TMEM209: variants seen among roughly 807,000 people sequenced by gnomAD.
TMEM209 encodes transmembrane protein 209.
In TMEM209, 65 loss-of-function variants were observed where a neutral mutation model predicts 76.2. The ratio of observed to expected loss-of-function variants is 0.85; its 90% CI spans 0.70 to 1.05. TMEM209 has a LOEUF of 1.05. Among genes scored for constraint, TMEM209 ranks in the 50% least tolerant of loss-of-function variants. The probability of loss-of-function intolerance (pLI) is 0.00; values close to 1 mark genes in which losing one functional copy is unlikely to be tolerated. For synonymous variants in TMEM209, 239 were observed against 237.6 expected, an observed-to-expected ratio of 1.01 and a Z score of -0.06; for missense variants, 623 against 685.5, an observed-to-expected ratio of 0.91 and a Z score of 1.02.
Position 130,173,862 on chromosome 7 carries a change from A to G in TMEM209, c.1422T>C (p.Phe474=). The part of the protein sequence containing the change: ...PHPKYPDGKT[F]TSQHFVQTPN... ...GTGTCTGAACAAAGTGCTGAGAAGT[A>G]AAAGTTTTTCCGTCGGGATACTTCG... Residue 474 remains phenylalanine, a synonymous_variant, in exon 12 of 15, where the codon TTT becomes TTC. Transcript: ENST00000397622. 3 of 1,613,926 alleles carry G rather than the reference A, an allele frequency of 1.9e-6. No individual in the cohort carries two copies. The highest frequency in any genetic ancestry group is 1.7e-6 in the Non-Finnish European group (2 of 1,179,818).
At chr7:130,179,973 A>G (rs1054195012) in intron 9 of TMEM209, among the ~76,000 whole-genome samples, 3 of 152,188 alleles carry the variant, frequency 2.0e-5, no homozygotes, top group Admixed American at 6.5e-5. Context: ...CTAGAAAACA[A>G]TAACAAAAAT....
chr7:130,203,748 TA>T lies in TMEM209; in HGVS notation c.199+39del, dbSNP rs1389225922. ...TGAATTAAACCTGAAGGCAGTTTTT[TA>T]TTGGTAAATGTAAGTTACAGTGAAA... On this transcript the variant is annotated intron_variant, in intron 3 of 14. Transcript: ENST00000397622. The T allele has an allele frequency of 1.4e-5, 22 of 1,532,860 alleles. No individual in the cohort carries two copies. In the East Asian group the frequency reaches 5.0e-4, roughly 35 times the overall value. The allele number at this position is 1,532,860 out of a possible 1,614,324, so 95.0% of individuals were successfully genotyped here. A position where few individuals can be genotyped will look rare whatever the true frequency, so the allele number is the denominator to read the frequency against.
intron 10 of TMEM209, 83 bp from the exon 11 acceptor site, chr7:130,175,692 G>T (rs1469803149): frequency 1.9e-6 from 2 of 1,042,166 alleles, no homozygotes; most frequent in Non-Finnish European, 2.7e-6. Context: ...TATAATAAGG[G>T]AAGCAAATCA....
At chr7:130,172,422 A>G (rs1797100240) in intron 13 of TMEM209, among the ~76,000 whole-genome samples, 1 of 151,902 alleles carries the variant, frequency 6.6e-6, no homozygotes, top group Non-Finnish European at 1.5e-5. Flanking sequence ...GGCTCACTGC[A>G]AGCTCCGCCT....
intron 5 of TMEM209, among the ~76,000 whole-genome samples, chr7:130,193,147 C>T (rs1464384417): frequency 6.6e-6 from 1 of 152,178 alleles, no homozygotes; most frequent in Non-Finnish European, 1.5e-5. Flanking sequence ...TTTATGGCAG[C>T]TTTATTCCTA....
intron 6 of TMEM209, among the ~76,000 whole-genome samples, chr7:130,189,197 T>C (rs1275412730): frequency 6.6e-6 from 1 of 152,094 alleles, no homozygotes; most frequent in African/African-American, 2.4e-5. Context: ...TCATTATTCA[T>C]TTATTTATTT....
At chr7:130,167,691 A>AT (rs969416576) in intron 14 of TMEM209, among the ~76,000 whole-genome samples, 3 of 151,876 alleles carry the variant, frequency 2.0e-5, no homozygotes, top group African/African-American at 4.8e-5. Flanking sequence ...GTCTGTCTAG[A>AT]TTTTTTTTCC....
Position 130,203,830 on chromosome 7 carries a change from T to G in TMEM209, c.157A>C (p.Ser53Arg). The G allele has an allele frequency of 6.2e-7, 1 of 1,601,744 alleles. No individual in the cohort carries two copies. The highest frequency in any genetic ancestry group is 8.5e-7 in the Non-Finnish European group (1 of 1,174,488). ...IYTEMTGKLI[S>R]SYYNVTYWPL... The stretch of plus-strand genomic sequence containing the variant: ...CAGTATGTCACATTGTAGTATGAAC[T>G]AATCAATTTTCCAGTCCTGAAAAAA... The change falls in exon 3 of 15, where the codon AGT becomes CGT. Residue 53 changes from serine (S) to arginine (R), a missense_variant. Transcript: ENST00000397622.
At chr7:130,182,231 T>C (rs1395869435) in intron 8 of TMEM209, among the ~76,000 whole-genome samples, 4 of 152,138 alleles carry the variant, frequency 2.6e-5, no homozygotes, top group African/African-American at 9.7e-5. Context: ...CGTGAGCCAC[T>C]GCGCCTGGCA....
chr7:130,183,581 A>G (rs1305692601), intron 8 of TMEM209, among the ~76,000 whole-genome samples: 1 of 152,242 alleles, frequency 6.6e-6, no homozygotes, highest in East Asian at 1.9e-4. Flanking sequence ...TAGCCCCTTC[A>G]GAGCTAAGTG....
chr7:130,180,123 A>G (rs1167310619), intron 9 of TMEM209, among the ~76,000 whole-genome samples: 1 of 152,216 alleles, frequency 6.6e-6, no homozygotes, highest in East Asian at 1.9e-4. Context: ...CTTAATAACT[A>G]AGTTATAGTA....
rs1470126023 is a variant in TMEM209, at chr7:130,173,931, C to T, written c.1353G>A (p.Met451Ile). Residue 451 changes from methionine (M) to isoleucine (I), a missense_variant, in exon 12 of 15, where the codon ATG becomes ATA. Coordinates refer to ENST00000397622, the MANE Select transcript of TMEM209 (RefSeq NM_032842.4). Reference protein sequence around the residue: ...TDLPTDSAIIMHVFCTYLDSR... With the variant: ...TDLPTDSAIIIHVFCTYLDSR... ...AATCAAGGTAGGTGCAAAATACATG[C>T]ATGATGATCTGAGGATGAAGAAATA... 1 of 1,603,730 alleles carries T rather than the reference C, an allele frequency of 6.2e-7. No individual in the cohort carries two copies. Among genetic ancestry groups the T allele is most frequent in the East Asian group, 2.2e-5 (1 of 44,742 alleles).
In TMEM209 at chr7:130,181,625, C is replaced by G. The variant is rs759070814; in HGVS notation, c.1118G>C (p.Gly373Ala). Residue 373 changes from glycine (G) to alanine (A), a missense_variant and splice_region_variant, in exon 9 of 15, where the codon GGA becomes GCA. Transcript: ENST00000397622. ...RRMGCPELQI[G>A]EASITSLKQA... ...CACTGGGCTCTGTTTTCACATACCT[C>G]CTATCTGTAGCTCTGGACAACCCAT... The G allele has an allele frequency of 1.9e-6, 3 of 1,610,730 alleles. No individual in the cohort carries two copies. The South Asian group carries it at 3.3e-5, about 18-fold the overall frequency.
Position 130,173,643 on chromosome 7 carries a change from T to C in TMEM209, c.1546A>G (p.Asn516Asp). 6.2e-7 allele frequency: 1 copy of C among 1,612,088 alleles called. No homozygotes were observed. The highest frequency in any genetic ancestry group is 1.3e-5 in the African/African-American group (1 of 75,016). ...YELIYQRHVY[N>D]LPKGRNNMFH... The stretch of plus-strand genomic sequence containing the variant: ...CTATATAGAAATACCTTTGGCAGGT[T>C]GTATACATGACGCTGGTAGATGAGC... Residue 516 changes from asparagine (N) to aspartate (D), a missense_variant, in exon 13 of 15, where the codon AAC becomes GAC. Coordinates refer to ENST00000397622, the MANE Select transcript of TMEM209 (RefSeq NM_032842.4).
intron 6 of TMEM209, among the ~76,000 whole-genome samples, chr7:130,189,282 C>T (rs1447642505): frequency 6.6e-6 from 1 of 151,340 alleles, no homozygotes; most frequent in Non-Finnish European, 1.5e-5. Context: ...CTGCAACCTC[C>T]GCCTCCCGGA....
At chr7:130,202,779 A>T (rs1162264901) in intron 3 of TMEM209, 116 bp from the exon 4 acceptor site, 1 of 1,188,012 alleles carries the variant, frequency 8.4e-7, no homozygotes, top group African/African-American at 1.6e-5. Flanking sequence ...CATAAAAACT[A>T]TAATTTAATG....
chr7:130,203,950 C>T, intron 2 of TMEM209, 24 bp downstream of exon 2: 1 of 1,607,580 alleles, frequency 6.2e-7, no homozygotes, highest in Non-Finnish European at 8.5e-7. Flanking sequence ...TAAAGTTTCA[C>T]TTTTTTTGGA....
chr7:130,195,319 C>T (rs1343491417), intron 5 of TMEM209, among the ~76,000 whole-genome samples: 1 of 152,004 alleles, frequency 6.6e-6, no homozygotes, highest in African/African-American at 2.4e-5. Flanking sequence ...AATATTTTGG[C>T]CCCACTTTAC....
intron 7 of TMEM209, among the ~76,000 whole-genome samples, chr7:130,184,823 T>G (rs1456761766): frequency 6.6e-6 from 1 of 152,214 alleles, no homozygotes; most frequent in Non-Finnish European, 1.5e-5. Context: ...AAATAAAAAT[T>G]CCATATTTGG....
Sources: gnomAD v4.1 joint callset for allele counts (sites outside exome capture counted in the v4.1 genomes callset) on GRCh38, gnomAD v4.1.1 for gene constraint, MANE v1.5 for transcripts, NCBI Gene and HGNC (gene_info 2026-07-23, HGNC 2026-07-21) for gene names.